SYTL4: variants seen among roughly 807,000 people sequenced by gnomAD.
SYTL4 encodes the protein synaptotagmin like 4.
SYTL4 carries 16 observed loss-of-function variants against 52.7 expected under a neutral mutation model. The observed-to-expected ratio is 0.30, with a 90% confidence interval of 0.21 to 0.46. The LOEUF (loss-of-function observed/expected upper bound fraction) is 0.46, where lower values mean the gene tolerates loss of function less well. SYTL4 is among the 20% of genes least tolerant of loss of function. The probability of loss-of-function intolerance (pLI) is 1.00; values close to 1 mark genes in which losing one functional copy is unlikely to be tolerated. For missense variants in SYTL4, 423 were observed against 519.9 expected (o/e 0.81, Z 1.81); for synonymous variants, 160 against 186.6 (o/e 0.86, Z 1.16).
intron 2 of SYTL4, among the ~76,000 whole-genome samples, chrX:100,716,607 G>T (rs1385158428): frequency 4.8e-5 from 5 of 104,933 alleles, no homozygotes; most frequent in African/African-American, 1.7e-4. Flanking sequence ...CAGGGATGCA[G>T]GGCTTCCTAA....
chrX:100,678,859 G>A, intron 18 of SYTL4: 1 of 340,509 alleles, frequency 2.9e-6, no homozygotes, highest in Non-Finnish European at 5.1e-6. Context: ...ACTGAAAATG[G>A]GTTTTAAATA....
At chrX:100,692,635 G>C (rs972158382) in intron 8 of SYTL4, among the ~76,000 whole-genome samples, 5 of 111,342 alleles carry the variant, frequency 4.5e-5, no homozygotes, top group Non-Finnish European at 9.4e-5. Context: ...CAAAGAATTA[G>C]TGAGAGCAGC....
intron 2 of SYTL4, among the ~76,000 whole-genome samples, chrX:100,706,828 C>A: frequency 9.1e-6 from 1 of 110,094 alleles, no homozygotes; most frequent in East Asian, 2.8e-4. Context: ...TAAATGCTAG[C>A]CAAAAGAAAG....
chrX:100,717,316 G>A (rs2084247302), intron 2 of SYTL4, among the ~76,000 whole-genome samples: 1 of 112,314 alleles, frequency 8.9e-6, no homozygotes, highest in Non-Finnish European at 1.9e-5. Flanking sequence ...TACCAAGGGA[G>A]GGCACATAAT....
chrX:100,699,398 G>GAAAA (rs780125378), intron 8 of SYTL4, among the ~76,000 whole-genome samples: 1 of 56,911 alleles, frequency 1.8e-5, no homozygotes, highest in Non-Finnish European at 3.5e-5. Context: ...GAAAAGAAAA[G>GAAAA]AAAAAAGAAA....
intron 2 of SYTL4, among the ~76,000 whole-genome samples, chrX:100,713,400 G>A (rs752238524): frequency 2.2e-4 from 24 of 111,546 alleles, no homozygotes; most frequent in Middle Eastern, 4.7e-3. Flanking sequence ...AGCTGAGATC[G>A]TGCCACTATA....
At chrX:100,705,420 T>C (rs1369325618) in intron 2 of SYTL4, among the ~76,000 whole-genome samples, 1 of 111,852 alleles carries the variant, frequency 8.9e-6, no homozygotes, top group Non-Finnish European at 1.9e-5. Context: ...GTTGGTGCTC[T>C]ACAGGCTCAG....
chrX:100,697,117 A>G (rs1049367300), intron 8 of SYTL4, among the ~76,000 whole-genome samples: 18 of 112,102 alleles, frequency 1.6e-4, no homozygotes, highest in Non-Finnish European at 2.8e-4. Flanking sequence ...CCCAGGTACC[A>G]CTGTAGAACC....
At chrX:100,714,800 A>G (rs1394714657) in intron 2 of SYTL4, among the ~76,000 whole-genome samples, 1 of 111,558 alleles carries the variant, frequency 9.0e-6, no homozygotes, top group African/African-American at 3.3e-5. Context: ...TAAAATGTAT[A>G]TACTTTGTGA....
At chrX:100,720,970 C>T (rs1277880563) in intron 2 of SYTL4, among the ~76,000 whole-genome samples, 2 of 111,199 alleles carry the variant, frequency 1.8e-5, no homozygotes, top group Non-Finnish European at 3.8e-5. Context: ...ATTACAAGCC[C>T]TCTTTCCCTC....
At chrX:100,727,606 G>GTA (rs1281917411) in intron 2 of SYTL4, among the ~76,000 whole-genome samples, 3 of 112,145 alleles carry the variant, frequency 2.7e-5, no homozygotes, top group East Asian at 2.8e-4. Context: ...AAATACTTGT[G>GTA]TATATATATA....
At chrX:100,730,605 A>T (rs1264796004) in intron 2 of SYTL4, among the ~76,000 whole-genome samples, 1 of 111,983 alleles carries the variant, frequency 8.9e-6, no homozygotes, top group Non-Finnish European at 1.9e-5. Context: ...CCTAACAACC[A>T]GAGCCTAACA....
rs1190859886 is a variant in SYTL4, at chrX:100,731,472, G to T, written c.-294C>A. 8.9e-6 allele frequency: 1 copy of T among 112,836 alleles called. No individual in the cohort carries two copies. Among genetic ancestry groups the T allele is most frequent in the Non-Finnish European group, 1.9e-5 (1 of 53,368 alleles). 9.3% of individuals were successfully genotyped at this position (112,836 alleles called of 1,213,427 possible). ...CCGCGATGTCGTAGGTCCGAAGAGA[G>T]TGCGGGTTAGCGACCCCGCTCGACG... On this transcript the variant is annotated 5_prime_UTR_variant, in exon 2 of 20. Transcript: ENST00000372989.
chrX:100,724,868 T>TAAAAAGA (rs1556037001), intron 2 of SYTL4, among the ~76,000 whole-genome samples: 1 of 78,581 alleles, frequency 1.3e-5, no homozygotes, highest in African/African-American at 4.9e-5. Context: ...GAATGATCAA[T>TAAAAAGA]AAAAAGAAAA....
At position 100,704,844 on chromosome X, in the gene SYTL4, C is replaced by A. The variant is rs1012555224; in HGVS notation, c.-197G>T. 1 of 112,106 alleles carries A rather than the reference C, an allele frequency of 8.9e-6. No individual in the cohort carries two copies. The highest frequency in any genetic ancestry group is 1.9e-5 in the Non-Finnish European group (1 of 53,202). The allele number at this position is 112,106 out of a possible 1,213,427, so 9.2% of individuals were successfully genotyped here. On this transcript the variant is annotated 5_prime_UTR_variant, in exon 3 of 20. Transcript: ENST00000372989. ...CTCTCCTTTGAAACTAGACAACACG[C>A]CTCTTTCACTTTATTTTTTCTTTTT...
intron 2 of SYTL4, among the ~76,000 whole-genome samples, chrX:100,717,593 G>A (rs776189798): frequency 1.6e-4 from 18 of 112,699 alleles, no homozygotes; most frequent in Admixed American, 9.4e-4. Flanking sequence ...CATATGCTAC[G>A]CGCAAAAACA....
At chrX:100,694,488 C>G (rs2083664826) in intron 8 of SYTL4, among the ~76,000 whole-genome samples, 1 of 111,779 alleles carries the variant, frequency 8.9e-6, no homozygotes, top group African/African-American at 3.3e-5. Context: ...TATCTTTGCT[C>G]AAACGTTACC....
chrX:100,679,335 T>G lies in SYTL4; in HGVS notation c.1636A>C (p.Thr546Pro), dbSNP rs2083333351. 1 of 1,209,027 alleles carries G rather than the reference T, an allele frequency of 8.3e-7. No homozygotes were observed. The highest frequency in any genetic ancestry group is 1.1e-6 in the Non-Finnish European group (1 of 894,492). ...KNLTAAKAGG[T>P]SDSFVKGYLL... Reference sequence around the variant, plus strand: ...CACCCCTTGACAAAGCTGTCTGAAGTCCCTCCTGCTTTGGCAGCCGTCAAG... The same window carrying G: ...CACCCCTTGACAAAGCTGTCTGAAGGCCCTCCTGCTTTGGCAGCCGTCAAG... The change falls in exon 18 of 20, where the codon ACT becomes CCT. Residue 546 changes from threonine to proline, a missense_variant. Coordinates refer to ENST00000372989, the MANE Select transcript of SYTL4 (RefSeq NM_001370165.1).
intron 8 of SYTL4, among the ~76,000 whole-genome samples, chrX:100,694,158 G>C (rs760758555): frequency 8.9e-6 from 1 of 111,872 alleles, no homozygotes; most frequent in Non-Finnish European, 1.9e-5. Flanking sequence ...CTTTAAAATT[G>C]ATTAAAATGA....
Sources: gnomAD v4.1 joint callset for allele counts (sites outside exome capture counted in the v4.1 genomes callset) on GRCh38, gnomAD v4.1.1 for gene constraint, MANE v1.5 for transcripts, NCBI Gene and HGNC (gene_info 2026-07-23, HGNC 2026-07-21) for gene names.